Variants in PRELID2 observed in about 807,000 individuals in gnomAD.
PRELID2 encodes the protein PRELI domain-containing protein 2.
Under a neutral mutation model 28.4 loss-of-function variants are expected in PRELID2, and 25 were observed. The observed-to-expected ratio is 0.88, with a 90% confidence interval of 0.64 to 1.23. The LOEUF is 1.23. Ranked by LOEUF, PRELID2 falls within the 50% of genes most tolerant of loss-of-function variation. PRELID2 has a pLI of 0.00. For missense variants in PRELID2, 201 were observed against 214.4 expected (o/e 0.94, Z 0.39); for synonymous variants, 76 against 71.6 (o/e 1.06, Z -0.31).
In PRELID2 at chr5:145,764,956, G is replaced by A; in HGVS notation, c.519C>T (p.Ala173=). The A allele has an allele frequency of 6.2e-7, 1 of 1,612,326 alleles. No individual in the cohort carries two copies. Among genetic ancestry groups the A allele is most frequent in the South Asian group, 1.1e-5 (1 of 90,820 alleles). The stretch of plus-strand genomic sequence containing the variant: ...TGATGATTCTTTATTCAGCTAAGGG[G>A]GCACCACACTGTTCCTTTAGCAGCA... ...MEMLLKEQCG[A]PLAE Residue 173 remains alanine, a synonymous_variant, in exon 6 of 7, where the codon GCC becomes GCT. Transcript: ENST00000683046.
intron 1 of PRELID2, among the ~76,000 whole-genome samples, chr5:145,825,253 A>G (rs200409338): frequency 2.6e-4 from 37 of 143,878 alleles, no homozygotes; most frequent in Admixed American, 2.8e-4. Flanking sequence ...AAAAAAAAAA[A>G]AAAAAAACTT....
At chr5:145,721,804 A>C (rs560990093) in intron 1 of PRELID2, among the ~76,000 whole-genome samples, 2 of 152,306 alleles carry the variant, frequency 1.3e-5, no homozygotes, top group African/African-American at 4.8e-5. Flanking sequence ...AGGGTTTGCA[A>C]TCCTGACATA....
At chr5:145,282,891 G>T in the PRELID2 span, among the ~76,000 whole-genome samples, 1 of 152,212 alleles carries the variant, frequency 6.6e-6, no homozygotes, top group Non-Finnish European at 1.5e-5. Flanking sequence ...TCAATACTTT[G>T]CTTCAGTTTT....
At chr5:145,532,091 T>C (rs1471477042) in intron 1 of PRELID2, among the ~76,000 whole-genome samples, 1 of 152,148 alleles carries the variant, frequency 6.6e-6, no homozygotes, top group Admixed American at 6.6e-5. Flanking sequence ...ATTATCATTA[T>C]CATCGTCATC....
the PRELID2 span, among the ~76,000 whole-genome samples, chr5:145,319,933 G>C: frequency 7.2e-5 from 11 of 152,148 alleles, no homozygotes; most frequent in South Asian, 1.0e-3. Flanking sequence ...ACTGCCTTTT[G>C]TCAATACCAT....
At chr5:145,398,702 A>T in the PRELID2 span, among the ~76,000 whole-genome samples, 1 of 152,104 alleles carries the variant, frequency 6.6e-6, no homozygotes, top group Non-Finnish European at 1.5e-5. Context: ...TGGAGCTTGC[A>T]TCCAAGTGGG....
At chr5:145,367,920 A>G in the PRELID2 span, among the ~76,000 whole-genome samples, 1 of 151,956 alleles carries the variant, frequency 6.6e-6, no homozygotes, top group Non-Finnish European at 1.5e-5. Flanking sequence ...TCCATGTGAA[A>G]TAAGTTTTCA....
chr5:145,408,727 C>T, the PRELID2 span, among the ~76,000 whole-genome samples: 394 of 151,852 alleles, frequency 2.6e-3, 5 homozygotes, highest in East Asian at 0.043. Context: ...TTATGTTTAA[C>T]GATCAGATGT....
intron 4 of PRELID2, among the ~76,000 whole-genome samples, chr5:145,797,921 T>C (rs1255587021): frequency 1.3e-5 from 2 of 151,732 alleles, no homozygotes; most frequent in African/African-American, 4.8e-5. Flanking sequence ...GAACTTGAAA[T>C]AACCATCTTA....
chr5:145,574,344 T>G (rs1753042682), intron 1 of PRELID2, among the ~76,000 whole-genome samples: 1 of 152,192 alleles, frequency 6.6e-6, no homozygotes, highest in African/African-American at 2.4e-5. Flanking sequence ...CATGTGAGAC[T>G]TCTGACCTCC....
chr5:145,556,193 A>AAAAG (rs1665279094), intron 1 of PRELID2, among the ~76,000 whole-genome samples: 3 of 150,170 alleles, frequency 2.0e-5, no homozygotes, highest in Admixed American at 6.6e-5. Flanking sequence ...AAAAAAAAAA[A>AAAAG]AAAAGAAAAG....
the PRELID2 span, chr5:145,230,047 C>A: frequency 2.9e-6 from 2 of 692,448 alleles, no homozygotes; most frequent in Non-Finnish European, 5.4e-6. Flanking sequence ...AAGTTCACTG[C>A]CAGATAGACC....
the PRELID2 span, among the ~76,000 whole-genome samples, chr5:145,251,976 C>T: frequency 6.6e-6 from 1 of 152,118 alleles, no homozygotes. Flanking sequence ...GAAGCTCCTT[C>T]CTTTTCTCTG....
chr5:145,732,234 A>T (rs1342652874), intron 1 of PRELID2, among the ~76,000 whole-genome samples: 1 of 152,216 alleles, frequency 6.6e-6, no homozygotes, highest in Non-Finnish European at 1.5e-5. Flanking sequence ...CATTGCTTAC[A>T]GTTTTCATGT....
At chr5:145,623,304 C>T (rs1315812182) in intron 1 of PRELID2, among the ~76,000 whole-genome samples, 2 of 151,748 alleles carry the variant, frequency 1.3e-5, no homozygotes, top group African/African-American at 2.4e-5. Context: ...AAAAATTAGC[C>T]AGGTGTGGTG....
In PRELID2 at chr5:145,679,638, T is replaced by G. The variant is rs147902489; in HGVS notation, n.70+85293A>C. On this transcript the variant is annotated intron_variant and non_coding_transcript_variant, in intron 1 of 2. Coordinates refer to the PRELID2 transcript ENST00000510259. ...AGTAAATACTTCTTAAATAAAATAA[T>G]TAATTATCCTGCCAAATTGTGAAGC... 2.4e-3 allele frequency among the ~76,000 whole-genome samples: 366 copies of G among 152,080 alleles called. 4 individuals are homozygous for G. Among genetic ancestry groups the G allele is most frequent in the African/African-American group, 8.3e-3 (343 of 41,500 alleles).
chr5:145,663,358 A>G (rs1754529687), intron 1 of PRELID2, among the ~76,000 whole-genome samples: 1 of 152,114 alleles, frequency 6.6e-6, no homozygotes, highest in Admixed American at 6.6e-5. Flanking sequence ...AAGTTAGAAC[A>G]TGATTTGAGA....
chr5:145,743,874 G>A (rs754707308), intron 1 of PRELID2, among the ~76,000 whole-genome samples: 3 of 152,350 alleles, frequency 2.0e-5, no homozygotes, highest in Admixed American at 2.0e-4. Flanking sequence ...GAGCTCCTTG[G>A]GGGAGGAGCA....
chr5:145,397,086 C>A, the PRELID2 span, among the ~76,000 whole-genome samples: 1 of 152,088 alleles, frequency 6.6e-6, no homozygotes, highest in Non-Finnish European at 1.5e-5. Flanking sequence ...GCCCAGAGCA[C>A]CCTCCAGACA....
Sources: gnomAD v4.1 joint callset for allele counts (sites outside exome capture counted in the v4.1 genomes callset) on GRCh38, gnomAD v4.1.1 for gene constraint, MANE v1.5 for transcripts, NCBI Gene and HGNC (gene_info 2026-07-23, HGNC 2026-07-21) for gene names.